Variants in DLG2 observed in about 807,000 individuals in gnomAD.
DLG2 encodes disks large homolog 2.
Under a neutral mutation model 132.5 loss-of-function variants are expected in DLG2, and 45 were observed. The observed-to-expected ratio is 0.34, with a 90% CI of 0.27 to 0.44. The LOEUF (loss-of-function observed/expected upper bound fraction) is 0.44, where lower values mean the gene tolerates loss of function less well. Ranked by LOEUF, DLG2 falls within the 20% of genes least tolerant of loss-of-function variation. DLG2 has a pLI of 1.00. For synonymous variants in DLG2, 424 were observed against 419.6 expected, an observed-to-expected ratio of 1.01 and a Z score of -0.13; for missense variants, 1,045 against 1,196.9, an observed-to-expected ratio of 0.87 and a Z score of 1.87.
At chr11:85,523,259 T>C (rs2074459029) in intron 3 of DLG2, among the ~76,000 whole-genome samples, 1 of 152,144 alleles carries the variant, frequency 6.6e-6, no homozygotes, top group East Asian at 1.9e-4. Context: ...GAAGGATGTG[T>C]TTGTTTCCCC....
At position 85,543,215 on chromosome 11, in the gene DLG2, T is replaced by G. The variant is rs1009885617; in HGVS notation, c.40+55442A>C. On this transcript the variant is annotated intron_variant, in intron 3 of 27. Transcript: ENST00000376104. ...TTTGTTCTCATCGTTCAACTCCGAC[T>G]TATGAGTGAGAACATGCAATGTTTG... Among the ~76,000 whole-genome samples, 9 of 152,308 alleles carry G rather than the reference T, an allele frequency of 5.9e-5. No homozygotes were observed. The East Asian group carries it at 1.5e-3, about 26-fold the overall frequency.
intron 6 of DLG2, among the ~76,000 whole-genome samples, chr11:85,085,942 CTA>C (rs2067870506): frequency 6.6e-6 from 1 of 152,084 alleles, no homozygotes; most frequent in Non-Finnish European, 1.5e-5. Flanking sequence ...AAAACAAGCT[CTA>C]TGTCTATCCT....
intron 15 of DLG2, among the ~76,000 whole-genome samples, chr11:83,926,856 G>A (rs909395403): frequency 6.6e-6 from 1 of 152,110 alleles, no homozygotes; most frequent in Admixed American, 6.6e-5. Flanking sequence ...ATTATTGGCT[G>A]CATTTCAAGA....
chr11:84,848,370 T>G (rs2081762438), intron 6 of DLG2, among the ~76,000 whole-genome samples: 1 of 152,044 alleles, frequency 6.6e-6, no homozygotes, highest in South Asian at 2.1e-4. Context: ...GGTGCATGCC[T>G]GTAATCCCAG....
At chr11:83,691,629 G>T (rs2081018856) in intron 18 of DLG2, among the ~76,000 whole-genome samples, 1 of 152,152 alleles carries the variant, frequency 6.6e-6, no homozygotes, top group Admixed American at 6.5e-5. Flanking sequence ...GGCTCAGCTG[G>T]TTCTAGGTGC....
intron 3 of DLG2, among the ~76,000 whole-genome samples, chr11:85,499,802 C>A (rs1325136595): frequency 6.6e-6 from 1 of 152,126 alleles, no homozygotes; most frequent in Admixed American, 6.6e-5. Context: ...ATATGCAAAT[C>A]AATAAATGTA....
At chr11:84,892,274 T>C (rs1401359041) in intron 6 of DLG2, among the ~76,000 whole-genome samples, 1 of 152,174 alleles carries the variant, frequency 6.6e-6, no homozygotes, top group East Asian at 1.9e-4. Flanking sequence ...GATGGCATGG[T>C]CATGCCAAAC....
At chr11:84,931,887 T>G (rs1028329754) in intron 6 of DLG2, among the ~76,000 whole-genome samples, 3 of 152,246 alleles carry the variant, frequency 2.0e-5, no homozygotes, top group African/African-American at 7.2e-5. Flanking sequence ...GAGCTTCTTT[T>G]CATGATTGCT....
At chr11:84,032,677 A>C (rs914536086) in intron 11 of DLG2, among the ~76,000 whole-genome samples, 1 of 152,216 alleles carries the variant, frequency 6.6e-6, no homozygotes, top group African/African-American at 2.4e-5. Context: ...GATGTAGACA[A>C]AACAGCCTTG....
chr11:84,665,061 T>G (rs61648192), intron 6 of DLG2, among the ~76,000 whole-genome samples: 10,607 of 152,104 alleles, frequency 0.07, 431 homozygotes, highest in South Asian at 0.11. Flanking sequence ...GATTCTTCTA[T>G]AGAATGGGAA....
At chr11:84,814,196 T>C (rs2076859394) in intron 6 of DLG2, among the ~76,000 whole-genome samples, 1 of 152,042 alleles carries the variant, frequency 6.6e-6, no homozygotes. Flanking sequence ...ATCATTCATG[T>C]GAATTAGTTA....
chr11:83,838,854 A>G (rs945412518), intron 16 of DLG2, among the ~76,000 whole-genome samples: 1 of 152,112 alleles, frequency 6.6e-6, no homozygotes, highest in African/African-American at 2.4e-5. Context: ...TATTTCTTGT[A>G]CTCATACTCC....
At chr11:85,193,098 C>G (rs561502576) in intron 4 of DLG2, among the ~76,000 whole-genome samples, 18 of 152,266 alleles carry the variant, frequency 1.2e-4, no homozygotes, top group African/African-American at 4.1e-4. Context: ...CCCCCTTCCT[C>G]CAGGCCCTGG....
chr11:85,226,132 T>A (rs2074959585), intron 4 of DLG2, among the ~76,000 whole-genome samples: 1 of 151,216 alleles, frequency 6.6e-6, no homozygotes, highest in Admixed American at 6.6e-5. Context: ...ATTGTTATAT[T>A]AACAATATAT....
chr11:85,371,844 C>G (rs2085005399), intron 3 of DLG2, among the ~76,000 whole-genome samples: 1 of 152,212 alleles, frequency 6.6e-6, no homozygotes. Context: ...TCCATCAAAG[C>G]CAGTCCAAAA....
chr11:84,604,048 C>T (rs2099581262), intron 6 of DLG2, among the ~76,000 whole-genome samples: 2 of 151,936 alleles, frequency 1.3e-5, no homozygotes, highest in Admixed American at 1.3e-4. Flanking sequence ...TAATAAGCTG[C>T]TACTAATTTA....
intron 4 of DLG2, among the ~76,000 whole-genome samples, chr11:85,231,341 CCATT>C (rs2075289305): frequency 6.6e-6 from 1 of 151,868 alleles, no homozygotes; most frequent in Non-Finnish European, 1.5e-5. Context: ...GCTGTTAAGC[CCATT>C]CAGTTAACTT....
At chr11:85,079,339 G>A (rs2066940690) in intron 6 of DLG2, among the ~76,000 whole-genome samples, 1 of 152,042 alleles carries the variant, frequency 6.6e-6, no homozygotes, top group African/African-American at 2.4e-5. Flanking sequence ...TGGTCACTTG[G>A]TGCCTGAATT....
intron 3 of DLG2, among the ~76,000 whole-genome samples, chr11:85,540,893 G>A (rs1277545509): frequency 2.6e-5 from 4 of 152,192 alleles, no homozygotes; most frequent in Non-Finnish European, 5.9e-5. Flanking sequence ...CTGCGAGGAG[G>A]ATAAGAAAAC....
Sources: gnomAD v4.1 joint callset for allele counts (sites outside exome capture counted in the v4.1 genomes callset) on GRCh38, gnomAD v4.1.1 for gene constraint, MANE v1.5 for transcripts, NCBI Gene and HGNC (gene_info 2026-07-23, HGNC 2026-07-21) for gene names.